CFAP299: variants seen among roughly 807,000 people sequenced by gnomAD.
CFAP299 encodes cilia and flagella associated protein 299.
In CFAP299, 21 loss-of-function variants were observed where a neutral mutation model predicts 27.0. That is an observed-to-expected ratio of 0.78 (90% CI 0.55 to 1.12). CFAP299 has a LOEUF of 1.12. CFAP299 is among the 50% of genes most tolerant of loss of function. The pLI is 0.00. For missense variants in CFAP299, 310 were observed against 276.6 expected (o/e 1.12, Z -0.86); for synonymous variants, 104 against 98.1 (o/e 1.06, Z -0.36).
chr4:80,612,798 AAATT>A (rs1738064464), intron 3 of CFAP299, among the ~76,000 whole-genome samples: 1 of 152,122 alleles, frequency 6.6e-6, no homozygotes, highest in Non-Finnish European at 1.5e-5. Flanking sequence ...ACATAGTTTT[AAATT>A]AATTAAGTAG....
intron 2 of CFAP299, among the ~76,000 whole-genome samples, chr4:80,450,198 G>A (rs985051651): frequency 2.6e-5 from 4 of 152,050 alleles, no homozygotes; most frequent in African/African-American, 4.8e-5. Context: ...ATATAACTGC[G>A]AACTGTTAAT....
At chr4:80,647,557 G>A (rs986186029) in intron 3 of CFAP299, among the ~76,000 whole-genome samples, 14 of 152,010 alleles carry the variant, frequency 9.2e-5, no homozygotes, top group Admixed American at 2.0e-4. Flanking sequence ...GAAACCCACC[G>A]ACTGTGCCCA....
chr4:80,720,175 G>T (rs187873910), intron 3 of CFAP299, among the ~76,000 whole-genome samples: 2 of 152,170 alleles, frequency 1.3e-5, no homozygotes, highest in East Asian at 3.9e-4. Flanking sequence ...ACAAAAAGCA[G>T]CAGAGATCTA....
chr4:80,814,793 C>G (rs1170744480), intron 3 of CFAP299, among the ~76,000 whole-genome samples: 1 of 151,618 alleles, frequency 6.6e-6, no homozygotes, highest in Non-Finnish European at 1.5e-5. Context: ...ACAGTAAAGC[C>G]TGAGGTAACC....
chr4:80,362,710 A>G lies in CFAP299; in HGVS notation c.112-44A>G, dbSNP rs145129165. On this transcript the variant is annotated intron_variant, in intron 1 of 5. Transcript: ENST00000358105. Reference sequence around the variant, plus strand: ...ATATAAGTAAGTAAGTAAAAATAGTATGTCTCATTTGCCCACTCACCTAAC... The same window carrying G: ...ATATAAGTAAGTAAGTAAAAATAGTGTGTCTCATTTGCCCACTCACCTAAC... 410 of 1,549,596 alleles carry G rather than the reference A, an allele frequency of 2.6e-4. 1 individual carries two copies. The African/African-American group carries it at 4.7e-3, about 18-fold the overall frequency.
intron 3 of CFAP299, among the ~76,000 whole-genome samples, chr4:80,773,365 T>A (rs1260493361): frequency 4.6e-5 from 7 of 152,106 alleles, no homozygotes; most frequent in Non-Finnish European, 7.4e-5. Flanking sequence ...TGCCAAAAAA[T>A]GATCTCTACT....
chr4:80,480,061 C>A (rs1730476407), intron 2 of CFAP299, among the ~76,000 whole-genome samples: 3 of 151,874 alleles, frequency 2.0e-5, no homozygotes, highest in Admixed American at 2.0e-4. Flanking sequence ...TTAATATATT[C>A]TTTTCCTTAT....
intron 2 of CFAP299, among the ~76,000 whole-genome samples, chr4:80,466,820 C>T (rs949389968): frequency 2.0e-5 from 3 of 152,300 alleles, no homozygotes; most frequent in South Asian, 2.1e-4. Context: ...AATCTTGCAT[C>T]ATGTCAGGCC....
intron 1 of CFAP299, among the ~76,000 whole-genome samples, chr4:80,337,661 G>A (rs1388264330): frequency 6.6e-6 from 1 of 152,096 alleles, no homozygotes; most frequent in Non-Finnish European, 1.5e-5. Context: ...GCCTCCCAAA[G>A]TGCTGGAATT....
At chr4:80,697,004 G>A (rs551071711) in intron 3 of CFAP299, among the ~76,000 whole-genome samples, 6 of 152,150 alleles carry the variant, frequency 3.9e-5, no homozygotes, top group Non-Finnish European at 8.8e-5. Context: ...TTTTTGTAAA[G>A]ATTTTAATCA....
chr4:80,382,020 A>G (rs1185863020), intron 2 of CFAP299, among the ~76,000 whole-genome samples: 2 of 152,214 alleles, frequency 1.3e-5, no homozygotes, highest in Non-Finnish European at 2.9e-5. Flanking sequence ...AGAGAAAGAA[A>G]AGGTTGAAGA....
At chr4:80,694,576 G>A (rs547426789) in intron 3 of CFAP299, among the ~76,000 whole-genome samples, 1 of 152,254 alleles carries the variant, frequency 6.6e-6, no homozygotes, top group Admixed American at 6.5e-5. Flanking sequence ...TCTGTGTAGT[G>A]TTTATGAATT....
chr4:80,447,525 T>C (rs1186544738), intron 2 of CFAP299, among the ~76,000 whole-genome samples: 1 of 151,980 alleles, frequency 6.6e-6, no homozygotes, highest in African/African-American at 2.4e-5. Context: ...CTCCGCCTCC[T>C]GGATTCAAGC....
At chr4:80,490,498 G>A (rs1170878339) in intron 2 of CFAP299, among the ~76,000 whole-genome samples, 1 of 152,098 alleles carries the variant, frequency 6.6e-6, no homozygotes, top group Non-Finnish European at 1.5e-5. Flanking sequence ...AAGCTCCTCT[G>A]TCTTGTTCAC....
chr4:80,512,706 A>G (rs1277514041), intron 2 of CFAP299, among the ~76,000 whole-genome samples: 1 of 152,122 alleles, frequency 6.6e-6, no homozygotes, highest in Non-Finnish European at 1.5e-5. Context: ...GCTGTGGTGC[A>G]AAAAGCATCT....
intron 3 of CFAP299, among the ~76,000 whole-genome samples, chr4:80,736,265 G>A (rs139917464): frequency 0.026 from 4,015 of 152,106 alleles, 125 homozygotes; most frequent in African/African-American, 0.069. Flanking sequence ...TGTATAAGGT[G>A]TAAGGAAGGG....
intron 3 of CFAP299, among the ~76,000 whole-genome samples, chr4:80,603,827 A>T (rs886862465): frequency 2.0e-5 from 3 of 152,056 alleles, no homozygotes; most frequent in Non-Finnish European, 4.4e-5. Flanking sequence ...AGAATAAAAA[A>T]CTCTATCTCT....
intron 2 of CFAP299, among the ~76,000 whole-genome samples, chr4:80,390,025 A>G (rs976456549): frequency 6.6e-6 from 1 of 152,116 alleles, no homozygotes; most frequent in Non-Finnish European, 1.5e-5. Context: ...AATTATACAT[A>G]TTTATAGTAT....
chr4:80,724,278 C>T (rs889362552), intron 3 of CFAP299, among the ~76,000 whole-genome samples: 1 of 151,952 alleles, frequency 6.6e-6, no homozygotes, highest in Non-Finnish European at 1.5e-5. Context: ...TGTAGCAGAA[C>T]GGCATGTGTC....
Sources: allele counts gnomAD v4.1 joint callset (sites outside exome capture counted in the v4.1 genomes callset), GRCh38; gene constraint gnomAD v4.1.1; transcripts MANE v1.5; gene names NCBI Gene and HGNC (gene_info 2026-07-23, HGNC 2026-07-21).